MACROD2: variants seen among roughly 807,000 people sequenced by gnomAD.
The protein encoded by MACROD2 is ADP-ribose glycohydrolase MACROD2.
Under a neutral mutation model 70.4 loss-of-function variants are expected in MACROD2, and 36 were observed. The observed-to-expected ratio is 0.51, with a 90% CI of 0.39 to 0.68. The LOEUF (loss-of-function observed/expected upper bound fraction) is 0.68, where lower values mean the gene tolerates loss of function less well. MACROD2 is among the 30% of genes least tolerant of loss of function. The pLI is 0.00. For synonymous variants in MACROD2, 172 were observed against 178.8 expected (o/e 0.96, Z 0.30); for missense variants, 496 against 538.4 (o/e 0.92, Z 0.78).
intron 5 of MACROD2, among the ~76,000 whole-genome samples, chr20:15,042,202 C>A (rs1009454826): frequency 6.6e-6 from 1 of 152,008 alleles, no homozygotes; most frequent in Non-Finnish European, 1.5e-5. Context: ...CATAACAGAC[C>A]TTCCAGAGAA....
At chr20:14,356,468 G>A in intron 3 of MACROD2, among the ~76,000 whole-genome samples, 1 of 150,256 alleles carries the variant, frequency 6.7e-6, no homozygotes, top group East Asian at 1.9e-4. Flanking sequence ...CAACTGAGAT[G>A]GCTCACCTGG....
At chr20:15,184,109 C>T (rs1042252551) in intron 5 of MACROD2, among the ~76,000 whole-genome samples, 2 of 152,074 alleles carry the variant, frequency 1.3e-5, no homozygotes, top group Non-Finnish European at 2.9e-5. Flanking sequence ...AAATTATTAG[C>T]AACAAAAAAT....
intron 3 of MACROD2, among the ~76,000 whole-genome samples, chr20:14,289,562 A>G (rs2082369572): frequency 6.6e-6 from 1 of 152,184 alleles, no homozygotes; most frequent in Non-Finnish European, 1.5e-5. Flanking sequence ...TTTTTGAGAC[A>G]GAGTCTTGCT....
At chr20:15,418,833 A>AG (rs1389218713) in intron 6 of MACROD2, among the ~76,000 whole-genome samples, 1 of 152,018 alleles carries the variant, frequency 6.6e-6, no homozygotes, top group Non-Finnish European at 1.5e-5. Context: ...TCCAGGTCTC[A>AG]GGGGGGCCTT....
chr20:15,079,875 T>G (rs116922265), intron 5 of MACROD2, among the ~76,000 whole-genome samples: 48 of 152,108 alleles, frequency 3.2e-4, no homozygotes, highest in Non-Finnish European at 6.0e-4. Flanking sequence ...ACTTCCTCAG[T>G]CATTAACATC....
chr20:15,968,838 T>TAC lies in MACROD2; in HGVS notation c.985+1214_985+1215dup, dbSNP rs1555801905. ...ATATATATATATATATATATATATA[T>TAC]ACACACATATACATATGGAGAGAGA... On this transcript the variant is annotated intron_variant, in intron 13 of 17. Transcript: ENST00000684519. Among the ~76,000 whole-genome samples, 212 of 113,796 alleles carry TAC rather than the reference T, an allele frequency of 1.9e-3. 1 individual carries two copies. The highest frequency in any genetic ancestry group is 5.4e-3 in the African/African-American group (164 of 30,168). The allele number at this position is 113,796 out of a possible 152,430, so 74.7% of individuals were successfully genotyped here. A position where few individuals can be genotyped will look rare whatever the true frequency, so the allele number is the denominator to read the frequency against.
At chr20:14,837,235 G>T (rs1290102936) in intron 5 of MACROD2, among the ~76,000 whole-genome samples, 1 of 151,870 alleles carries the variant, frequency 6.6e-6, no homozygotes, top group Non-Finnish European at 1.5e-5. Flanking sequence ...TCTTTCCAAA[G>T]ACCATAGAAT....
At chr20:15,686,441 A>C in intron 8 of MACROD2, among the ~76,000 whole-genome samples, 1 of 152,180 alleles carries the variant, frequency 6.6e-6, no homozygotes, top group East Asian at 1.9e-4. Context: ...TATTGCAAAA[A>C]GTTCATTTAA....
At chr20:15,825,360 C>T (rs1167630159) in intron 8 of MACROD2, among the ~76,000 whole-genome samples, 2 of 152,176 alleles carry the variant, frequency 1.3e-5, no homozygotes, top group Non-Finnish European at 2.9e-5. Context: ...ATGGCAAAGC[C>T]ACACATAGAT....
chr20:14,096,431 A>G (rs2054227368), intron 3 of MACROD2, among the ~76,000 whole-genome samples: 2 of 149,086 alleles, frequency 1.3e-5, no homozygotes, highest in South Asian at 4.2e-4. Flanking sequence ...CAGTGGCACA[A>G]TCTCCGCTCA....
At chr20:14,183,610 G>A (rs6042570) in intron 3 of MACROD2, among the ~76,000 whole-genome samples, 151,308 of 152,274 alleles carry the variant, frequency 0.99, 75,182 homozygotes, top group East Asian at 1. Flanking sequence ...CACAACCACA[G>A]TGGTTGAAGT....
intron 3 of MACROD2, among the ~76,000 whole-genome samples, chr20:14,306,883 A>T (rs905694949): frequency 3.3e-5 from 5 of 152,134 alleles, no homozygotes; most frequent in Non-Finnish European, 7.4e-5. Context: ...TTCTTGTTTA[A>T]TTAAGCTAGA....
chr20:14,928,643 CCTA>C (rs746736089), intron 5 of MACROD2, among the ~76,000 whole-genome samples: 2 of 152,134 alleles, frequency 1.3e-5, no homozygotes, highest in Non-Finnish European at 2.9e-5. Flanking sequence ...AAGCATAGGT[CCTA>C]AGTCCTCATC....
intron 6 of MACROD2, among the ~76,000 whole-genome samples, chr20:15,415,208 T>G (rs1403802406): frequency 1.3e-5 from 2 of 152,242 alleles, no homozygotes; most frequent in Non-Finnish European, 2.9e-5. Context: ...TGCAGCTGGA[T>G]GTGAGCTAGA....
At chr20:15,476,570 G>GCCGC (rs1555826236) in intron 7 of MACROD2, among the ~76,000 whole-genome samples, 2 of 150,036 alleles carry the variant, frequency 1.3e-5, no homozygotes, top group African/African-American at 4.9e-5. Context: ...TTGTTGTTTT[G>GCCGC]CCCCCCCCCG....
At chr20:15,543,268 G>T (rs754860393) in intron 8 of MACROD2, among the ~76,000 whole-genome samples, 2 of 152,170 alleles carry the variant, frequency 1.3e-5, no homozygotes, top group Non-Finnish European at 2.9e-5. Context: ...TTTTCTAAGT[G>T]TCAGTTTCCT....
chr20:14,504,691 G>C (rs2123131934), intron 4 of MACROD2, among the ~76,000 whole-genome samples: 1 of 152,238 alleles, frequency 6.6e-6, no homozygotes, highest in South Asian at 2.1e-4. Context: ...TTCTAGGCTT[G>C]TCTCTCCTTC....
chr20:14,464,678 A>G (rs1380525270), intron 3 of MACROD2, among the ~76,000 whole-genome samples: 1 of 151,920 alleles, frequency 6.6e-6, no homozygotes, highest in African/African-American at 2.4e-5. Context: ...GTTTAGTGCT[A>G]TAAATTTCCA....
intron 2 of MACROD2, among the ~76,000 whole-genome samples, chr20:14,027,386 C>A (rs979577258): frequency 6.6e-6 from 1 of 152,048 alleles, no homozygotes; most frequent in Non-Finnish European, 1.5e-5. Context: ...TTCTTAGCTT[C>A]CTTGCATTGG....
Sources: gnomAD v4.1 joint callset for allele counts (sites outside exome capture counted in the v4.1 genomes callset) on GRCh38, gnomAD v4.1.1 for gene constraint, MANE v1.5 for transcripts, NCBI Gene and HGNC (gene_info 2026-07-23, HGNC 2026-07-21) for gene names.